Variants in ZNF516 observed in about 807,000 individuals in gnomAD.
ZNF516 encodes the protein zinc finger protein 516.
Under a neutral mutation model 79.7 loss-of-function variants are expected in ZNF516, and 19 were observed. The ratio of observed to expected loss-of-function variants is 0.24; its 90% CI spans 0.17 to 0.35. ZNF516 has a LOEUF of 0.35. ZNF516 is among the 10% of genes least tolerant of loss of function. The pLI is 1.00. For missense variants in ZNF516, 1,678 were observed against 1,679.5 expected (o/e 1.00, Z 0.02); for synonymous variants, 877 against 739.5 (o/e 1.19, Z -3.02).
At chr18:76,408,451 TAAG>T (rs778394726) in intron 3 of ZNF516, among the ~76,000 whole-genome samples, 4 of 152,074 alleles carry the variant, frequency 2.6e-5, no homozygotes, top group African/African-American at 2.4e-5. Context: ...TAGCAAAAAT[TAAG>T]AAGAAGTGCA....
chr18:76,426,163 G>A lies in ZNF516; in HGVS notation c.1810+15082C>T, dbSNP rs116054749. Among the ~76,000 whole-genome samples the A allele has an allele frequency of 4.1e-3, 630 of 152,284 alleles. 9 individuals are homozygous for A. The highest frequency in any genetic ancestry group is 0.014 in the African/African-American group (574 of 41,558). On this transcript the variant is annotated intron_variant, in intron 3 of 6. Coordinates refer to ENST00000443185, the MANE Select transcript of ZNF516 (RefSeq NM_014643.4). The stretch of plus-strand genomic sequence containing the variant: ...TTCCACAAGCATTGTTCTGACCCTC[G>A]ATAGAGCTAATCCACGTGTTTAAAG...
rs563504535 is a variant in ZNF516 at position 76,477,173 on chromosome 18, T to C, written c.-271-14032A>G. ...GGACTTTGTAATTCTACTTGAATGC[T>C]AGTCGATCTTACGTTCAAAAGTCTG... On this transcript the variant is annotated intron_variant, in intron 1 of 6. Transcript: ENST00000443185. 2.0e-5 allele frequency among the ~76,000 whole-genome samples: 3 copies of C among 152,374 alleles called. No individual in the cohort carries two copies. The East Asian group carries it at 5.8e-4, about 29-fold the overall frequency.
At chr18:76,397,203 G>A (rs909095852) in intron 3 of ZNF516, among the ~76,000 whole-genome samples, 4 of 152,172 alleles carry the variant, frequency 2.6e-5, no homozygotes, top group South Asian at 2.1e-4. Flanking sequence ...AAGTGACAGC[G>A]TGGGTCTTGC....
At chr18:76,453,565 T>C (rs1377488560) in intron 2 of ZNF516, among the ~76,000 whole-genome samples, 1 of 152,254 alleles carries the variant, frequency 6.6e-6, no homozygotes, top group Non-Finnish European at 1.5e-5. Context: ...TCAATTTCTA[T>C]CTTTAAAACA....
intron 6 of ZNF516, among the ~76,000 whole-genome samples, chr18:76,368,380 T>C (rs951458027): frequency 1.3e-5 from 2 of 151,940 alleles, no homozygotes; most frequent in Non-Finnish European, 2.9e-5. Flanking sequence ...TTAAATGTAA[T>C]GAAAGACAAA....
At chr18:76,401,233 T>C (rs2075215304) in intron 3 of ZNF516, among the ~76,000 whole-genome samples, 1 of 141,612 alleles carries the variant, frequency 7.1e-6, no homozygotes. Flanking sequence ...TTCTTATAGT[T>C]CACCTTCAAT....
rs943556917 is a variant in ZNF516 at position 76,362,202 on chromosome 18, T to C, written c.*296A>G. The C allele has an allele frequency of 4.0e-5, 13 of 329,094 alleles. No homozygotes were observed. Among genetic ancestry groups the C allele is most frequent in the African/African-American group, 2.1e-4 (10 of 48,098 alleles). The allele number at this position is 329,094 out of a possible 1,614,324, so 20.4% of individuals were successfully genotyped here. A position where few individuals can be genotyped will look rare whatever the true frequency, so the allele number is the denominator to read the frequency against. On this transcript the variant is annotated 3_prime_UTR_variant, in exon 7 of 7. Coordinates refer to ENST00000443185, the MANE Select transcript of ZNF516 (RefSeq NM_014643.4). ...CCCCTACTGTGCCTGCCAGTACTAC[T>C]GTTTATTATAAGAAAATATGGGACT...
rs2074547349 is a variant in ZNF516, at chr18:76,362,108, C to T, written c.*390G>A. On this transcript the variant is annotated 3_prime_UTR_variant, in exon 7 of 7. Transcript: ENST00000443185. ...CAGTGCTCAGCCTCGCCACTCTGTC[C>T]AACACACACAACAAGTATCTTTTTT... 1.1e-5 allele frequency: 2 copies of T among 176,260 alleles called. No homozygotes were observed. Among genetic ancestry groups the T allele is most frequent in the South Asian group, 1.4e-4 (1 of 6,988 alleles). 10.9% of individuals were successfully genotyped at this position (176,260 alleles called of 1,614,324 possible).
chr18:76,373,373 T>TA (rs1306330995), intron 4 of ZNF516, among the ~76,000 whole-genome samples: 4 of 151,966 alleles, frequency 2.6e-5, no homozygotes, highest in Admixed American at 2.0e-4. Flanking sequence ...AGAGATTTTT[T>TA]AAGCTATTTT....
At chr18:76,483,349 T>C (rs1216709467) in intron 1 of ZNF516, among the ~76,000 whole-genome samples, 1 of 152,154 alleles carries the variant, frequency 6.6e-6, no homozygotes, top group Non-Finnish European at 1.5e-5. Context: ...CACCTCCTCT[T>C]TGTGGCCATC....
intron 3 of ZNF516, among the ~76,000 whole-genome samples, chr18:76,384,539 G>A (rs1339644797): frequency 1.5e-5 from 1 of 66,760 alleles, no homozygotes; most frequent in Non-Finnish European, 2.9e-5. Flanking sequence ...CGAACCCCAC[G>A]CCCCCTCTGT....
intron 1 of ZNF516, among the ~76,000 whole-genome samples, chr18:76,476,872 T>C (rs1439280860): frequency 6.6e-6 from 1 of 152,048 alleles, no homozygotes; most frequent in African/African-American, 2.4e-5. Flanking sequence ...CGGTGCGGGG[T>C]GACTTGCTAC....
At chr18:76,373,424 G>C (rs2074739487) in intron 4 of ZNF516, among the ~76,000 whole-genome samples, 1 of 152,168 alleles carries the variant, frequency 6.6e-6, no homozygotes, top group East Asian at 1.9e-4. Flanking sequence ...ACCCAGTGGA[G>C]CTCCTACGAA....
intron 3 of ZNF516, among the ~76,000 whole-genome samples, chr18:76,414,338 C>T (rs1161419391): frequency 1.3e-5 from 2 of 152,198 alleles, no homozygotes; most frequent in Non-Finnish European, 2.9e-5. Flanking sequence ...ACCAGTTCCA[C>T]GTGTTATTTT....
intron 1 of ZNF516, among the ~76,000 whole-genome samples, chr18:76,477,636 C>T (rs968320948): frequency 6.6e-6 from 1 of 152,148 alleles, no homozygotes; most frequent in Non-Finnish European, 1.5e-5. Context: ...AAATCCCCTA[C>T]ATTTTCCCTT....
intron 3 of ZNF516, among the ~76,000 whole-genome samples, chr18:76,407,229 A>C (rs1050383894): frequency 6.6e-6 from 1 of 152,180 alleles, no homozygotes; most frequent in African/African-American, 2.4e-5. Context: ...CAAGAGTTCG[A>C]GAACAACCTG....
In ZNF516 at chr18:76,442,289, C is replaced by T; in HGVS notation, c.766G>A (p.Ala256Thr). The change falls in exon 3 of 7, where the codon GCC becomes ACC. Residue 256 changes from alanine to threonine, a missense_variant. Ala to Thr is a moderately conservative substitution (Grantham distance 58). Transcript: ENST00000443185. ...GEFPCEVCGQAFSQTWFLKAH... is the reference protein window; with the variant it reads ...GEFPCEVCGQTFSQTWFLKAH... ...TTCAGGAACCAGGTCTGGCTGAAGG[C>T]CTGGCCACACACCTCGCACGGGAAC... 1.2e-6 allele frequency: 2 copies of T among 1,612,902 alleles called. No individual in the cohort carries two copies. Among genetic ancestry groups the T allele is most frequent in the Non-Finnish European group, 1.7e-6 (2 of 1,179,692 alleles).
At position 76,378,573 on chromosome 18, in the gene ZNF516, G is replaced by A. The variant is rs998332866; in HGVS notation, c.3259+282C>T. ...ACGTCCTCTCAGCAGGAAGGAAGCC[G>A]TGCAGGGCTTGCGACCTCCTCCCAG... is the stretch of plus-strand genomic sequence containing the variant. On this transcript the variant is annotated intron_variant, in intron 4 of 6. Coordinates refer to ENST00000443185, the MANE Select transcript of ZNF516 (RefSeq NM_014643.4). Among the ~76,000 whole-genome samples, 8 of 152,356 alleles carry A rather than the reference G, an allele frequency of 5.3e-5. No homozygotes were observed. The South Asian group carries it at 6.2e-4, about 12-fold the overall frequency.
At chr18:76,492,398 G>C (rs35399883) in intron 1 of ZNF516, 335,987 of 979,638 alleles carry the variant, frequency 0.34, 59,651 homozygotes, top group East Asian at 0.4. Context: ...CCCATTGTGC[G>C]GGTCAGACGC....
Sources: allele counts gnomAD v4.1 joint callset (sites outside exome capture counted in the v4.1 genomes callset), GRCh38; gene constraint gnomAD v4.1.1; transcripts MANE v1.5; gene names NCBI Gene and HGNC (gene_info 2026-07-23, HGNC 2026-07-21).